NR2F1-AS1: variants seen among roughly 807,000 people sequenced by gnomAD.
The protein encoded by NR2F1-AS1 is NR2F1 antisense RNA 1.
At chr5:93,436,591 G>C (rs1241832459) in intron 4 of NR2F1-AS1, among the ~76,000 whole-genome samples, 2 of 152,110 alleles carry the variant, frequency 1.3e-5, no homozygotes, top group Non-Finnish European at 2.9e-5. Context: ...TAGGATGGCT[G>C]ACTTTTCCCA....
chr5:93,452,129 G>A (rs978033364), intron 4 of NR2F1-AS1, among the ~76,000 whole-genome samples: 7 of 152,124 alleles, frequency 4.6e-5, no homozygotes, highest in African/African-American at 1.7e-4. Flanking sequence ...ATACTATAAT[G>A]TGAAATACTA....
At chr5:93,508,004 T>G (rs1751221918) in intron 4 of NR2F1-AS1, among the ~76,000 whole-genome samples, 1 of 152,186 alleles carries the variant, frequency 6.6e-6, no homozygotes, top group Admixed American at 6.5e-5. Flanking sequence ...TATACCATGT[T>G]GGTAGATGAA....
intron 4 of NR2F1-AS1, among the ~76,000 whole-genome samples, chr5:93,413,664 T>C (rs1463054037): frequency 2.0e-5 from 3 of 152,096 alleles, no homozygotes; most frequent in Non-Finnish European, 4.4e-5. Context: ...CTCCTCCAAG[T>C]ACCTGTGGCC....
At chr5:93,434,903 C>T (rs892192245) in intron 4 of NR2F1-AS1, among the ~76,000 whole-genome samples, 30 of 152,154 alleles carry the variant, frequency 2.0e-4, no homozygotes, top group African/African-American at 7.2e-4. Flanking sequence ...CAGTGAATCA[C>T]ATCAGGAAGT....
intron 4 of NR2F1-AS1, among the ~76,000 whole-genome samples, chr5:93,546,480 T>A (rs969088825): frequency 6.6e-6 from 1 of 151,732 alleles, no homozygotes; most frequent in Non-Finnish European, 1.5e-5. Flanking sequence ...GGAAATGGTT[T>A]TTTCATTGGG....
At chr5:93,500,288 A>G (rs974807976) in intron 4 of NR2F1-AS1, among the ~76,000 whole-genome samples, 5 of 152,166 alleles carry the variant, frequency 3.3e-5, no homozygotes, top group Admixed American at 2.0e-4. Context: ...GCAGCTGGTG[A>G]CTTTAGGTTG....
At chr5:93,455,125 GT>G (rs1749918802) in intron 4 of NR2F1-AS1, among the ~76,000 whole-genome samples, 1 of 152,132 alleles carries the variant, frequency 6.6e-6, no homozygotes, top group South Asian at 2.1e-4. Context: ...GTGAAGTGAG[GT>G]CTTGTGGTTC....
chr5:93,531,884 C>T (rs370529225), intron 4 of NR2F1-AS1, among the ~76,000 whole-genome samples: 1 of 152,182 alleles, frequency 6.6e-6, no homozygotes, highest in African/African-American at 2.4e-5. Flanking sequence ...CTAAAATTCA[C>T]TTTATTTATT....
intron 4 of NR2F1-AS1, chr5:93,411,040 T>C (rs187801296): frequency 3.3e-5 from 5 of 152,332 alleles, no homozygotes; most frequent in East Asian, 3.9e-4. Context: ...CATGTATTTA[T>C]TGTCTTGGGG....
At chr5:93,576,186 C>T (rs1384522393) in intron 1 of NR2F1-AS1, among the ~76,000 whole-genome samples, 2 of 152,206 alleles carry the variant, frequency 1.3e-5, no homozygotes, top group African/African-American at 4.8e-5. Context: ...TCAACTAACA[C>T]AAAAGCCCTT....
At chr5:93,435,960 C>T (rs905913498) in intron 4 of NR2F1-AS1, among the ~76,000 whole-genome samples, 1 of 152,192 alleles carries the variant, frequency 6.6e-6, no homozygotes, top group African/African-American at 2.4e-5. Context: ...ACCCACCCTA[C>T]TGCTTCTGTC....
intron 4 of NR2F1-AS1, among the ~76,000 whole-genome samples, chr5:93,517,720 T>C (rs1479433352): frequency 6.6e-6 from 1 of 152,116 alleles, no homozygotes; most frequent in African/African-American, 2.4e-5. Context: ...CAGTCATATA[T>C]GCATGCCATA....
intron 4 of NR2F1-AS1, among the ~76,000 whole-genome samples, chr5:93,492,060 C>T (rs751724745): frequency 6.6e-5 from 10 of 152,016 alleles, no homozygotes; most frequent in Middle Eastern, 3.2e-3. Context: ...TTTAGCCCCA[C>T]TGATTATAAA....
intron 4 of NR2F1-AS1, among the ~76,000 whole-genome samples, chr5:93,419,598 T>A (rs1023880814): frequency 3.3e-5 from 5 of 152,128 alleles, no homozygotes; most frequent in African/African-American, 1.2e-4. Flanking sequence ...TATACTTATA[T>A]AAACATATAT....
At chr5:93,565,886 C>T (rs1335026533) in intron 1 of NR2F1-AS1, among the ~76,000 whole-genome samples, 1 of 151,526 alleles carries the variant, frequency 6.6e-6, no homozygotes, top group Non-Finnish European at 1.5e-5. Flanking sequence ...AAAAGTACTA[C>T]ACAAATAGCA....
chr5:93,460,678 G>A (rs1750068708), intron 4 of NR2F1-AS1, among the ~76,000 whole-genome samples: 1 of 151,910 alleles, frequency 6.6e-6, no homozygotes, highest in African/African-American at 2.4e-5. Context: ...CAAAGGACAT[G>A]AACAGACACT....
At chr5:93,554,583 T>C (rs530644150) in intron 3 of NR2F1-AS1, among the ~76,000 whole-genome samples, 3 of 152,296 alleles carry the variant, frequency 2.0e-5, no homozygotes, top group Admixed American at 2.0e-4. Flanking sequence ...GAATAAGAAA[T>C]TAGATTAACA....
chr5:93,462,015 T>C (rs866955713), intron 4 of NR2F1-AS1, among the ~76,000 whole-genome samples: 16 of 152,284 alleles, frequency 1.1e-4, no homozygotes, highest in Middle Eastern at 3.4e-3. Flanking sequence ...CTGGTTTGCA[T>C]TGGGGAAAGT....
chr5:93,537,430 G>A (rs1751862141), intron 4 of NR2F1-AS1, among the ~76,000 whole-genome samples: 1 of 151,952 alleles, frequency 6.6e-6, no homozygotes, highest in Admixed American at 6.6e-5. Context: ...CTGACAAGGG[G>A]TTAATATCCA....
Sources: allele counts gnomAD v4.1 joint callset (sites outside exome capture counted in the v4.1 genomes callset), GRCh38; gene constraint gnomAD v4.1.1; transcripts MANE v1.5; gene names NCBI Gene and HGNC (gene_info 2026-07-23, HGNC 2026-07-21).